TMEM165: variants seen among roughly 807,000 people sequenced by gnomAD.
The protein encoded by TMEM165 is transmembrane protein 165.
In TMEM165, 19 loss-of-function variants were observed where a neutral mutation model predicts 30.0. The observed-to-expected ratio is 0.63, with a 90% CI of 0.44 to 0.93. The LOEUF (loss-of-function observed/expected upper bound fraction) is 0.93, where lower values mean the gene tolerates loss of function less well. Ranked by LOEUF, TMEM165 falls within the 40% of genes least tolerant of loss-of-function variation. TMEM165 has a pLI of 0.00. For synonymous variants in TMEM165, 168 were observed against 162.9 expected (o/e 1.03, Z -0.24); for missense variants, 340 against 417.0 (o/e 0.82, Z 1.61).
At chr4:55,398,253 ATAAC>A (rs1396921254) in intron 1 of TMEM165, among the ~76,000 whole-genome samples, 1 of 152,354 alleles carries the variant, frequency 6.6e-6, no homozygotes, top group African/African-American at 2.4e-5. Context: ...AAGAAGTTGA[ATAAC>A]TAACTGCCTA....
intron 3 of TMEM165, among the ~76,000 whole-genome samples, chr4:55,451,307 A>C (rs1394137740): frequency 6.6e-6 from 1 of 152,206 alleles, no homozygotes; most frequent in Non-Finnish European, 1.5e-5. Flanking sequence ...TTTCAGCTGA[A>C]TCTGATACAG....
At chr4:55,443,432 G>A (rs970259230) in intron 3 of TMEM165, among the ~76,000 whole-genome samples, 10 of 144,562 alleles carry the variant, frequency 6.9e-5, no homozygotes, top group Admixed American at 6.4e-4. Flanking sequence ...CTAAGGTCAC[G>A]CCATTGCACT....
chr4:55,430,934 T>C (rs1722457791), downstream of TMEM165: 1 of 152,182 alleles, frequency 6.6e-6, no homozygotes, highest in Non-Finnish European at 1.5e-5. Flanking sequence ...CAAAGTTCAT[T>C]TGGCTATCTT....
Position 55,400,844 on chromosome 4 carries a change from A to G in TMEM165, c.207+4448A>G, listed in dbSNP as rs115620278. Among the ~76,000 whole-genome samples the G allele has an allele frequency of 8.0e-3, 1,208 of 150,796 alleles. 113 individuals carry two copies. Among genetic ancestry groups the G allele is most frequent in the African/African-American group, 0.026 (1,052 of 40,128 alleles). On this transcript the variant is annotated intron_variant, in intron 1 of 5. Transcript: ENST00000381334. ...TCACATGTTTTCTAAACTATGTAAT[A>G]TAAGTGTCATTGGCTATTTTTGTCC...
intron 4 of TMEM165, among the ~76,000 whole-genome samples, chr4:55,420,353 G>A (rs1274743053): frequency 1.3e-5 from 2 of 150,940 alleles, no homozygotes; most frequent in African/African-American, 4.9e-5. Flanking sequence ...ATAGAGTGAC[G>A]TGTGAAAGGC....
intron 1 of TMEM165, among the ~76,000 whole-genome samples, chr4:55,407,312 G>A (rs1479809234): frequency 6.6e-6 from 1 of 152,182 alleles, no homozygotes; most frequent in East Asian, 1.9e-4. Context: ...GCCCAGCACT[G>A]TAACCATGAG....
At chr4:55,420,106 A>AAAAAAAAATATATATAT (rs1474254120) in intron 4 of TMEM165, among the ~76,000 whole-genome samples, 3 of 45,446 alleles carry the variant, frequency 6.6e-5, no homozygotes, top group South Asian at 2.0e-3. Context: ...AAGAAAAAAA[A>AAAAAAAAATATATATAT]ATATATATAT....
At chr4:55,450,067 C>A in intron 3 of TMEM165, 1 of 1,613,914 alleles carries the variant, frequency 6.2e-7, no homozygotes, top group Admixed American at 1.7e-5. Context: ...TAAAGGAAGT[C>A]TGCTTTGAAG....
chr4:55,416,981 TAACAG>T, intron 2 of TMEM165, 86 bp from the exon 3 acceptor site: 1 of 1,173,718 alleles, frequency 8.5e-7, no homozygotes, highest in Admixed American at 2.6e-5. Flanking sequence ...ATTTTTCTTT[TAACAG>T]TGATAAATTA....
chr4:55,443,840 A>G, intron 3 of TMEM165: 1 of 1,613,832 alleles, frequency 6.2e-7, no homozygotes, highest in Non-Finnish European at 8.5e-7. Context: ...ATGAATTTCC[A>G]GAAGAAAGTT....
chr4:55,413,771 C>CTT (rs1333557897), intron 2 of TMEM165, among the ~76,000 whole-genome samples: 1 of 152,210 alleles, frequency 6.6e-6, no homozygotes, highest in African/African-American at 2.4e-5. Flanking sequence ...CATTTGTACT[C>CTT]TTATCTAAAT....
intron 3 of TMEM165, among the ~76,000 whole-genome samples, chr4:55,439,771 G>A (rs1187668305): frequency 1.3e-5 from 2 of 152,160 alleles, no homozygotes; most frequent in Admixed American, 6.5e-5. Context: ...GACAAATACT[G>A]TATGATTCCA....
intron 3 of TMEM165, among the ~76,000 whole-genome samples, chr4:55,443,155 A>G (rs574033609): frequency 6.6e-6 from 1 of 152,304 alleles, no homozygotes; most frequent in South Asian, 2.1e-4. Flanking sequence ...TAACTACTAG[A>G]CTACATCTTT....
chr4:55,420,213 G>T (rs1721917748), intron 4 of TMEM165, among the ~76,000 whole-genome samples: 1 of 147,022 alleles, frequency 6.8e-6, no homozygotes, highest in Non-Finnish European at 1.5e-5. Context: ...TTGGCTCTCA[G>T]ATTGCCAGAG....
At position 55,417,131 on chromosome 4, in the gene TMEM165, G is replaced by A; in HGVS notation, c.493G>A (p.Val165Ile). ...GGTCTATACATACTATGTTTCAACT[G>A]TATTATTTGCCATTTTTGGCATTAG... ...PRVYTYYVST[V>I]LFAIFGIRML... The change falls in exon 3 of 6, where the codon GTA becomes ATA. Residue 165 changes from valine (V) to isoleucine (I), a missense_variant. Coordinates refer to ENST00000381334, the MANE Select transcript of TMEM165 (RefSeq NM_018475.5). 2 of 1,614,046 alleles carry A rather than the reference G, an allele frequency of 1.2e-6. No individual in the cohort carries two copies. The highest frequency in any genetic ancestry group is 1.1e-5 in the South Asian group (1 of 91,070).
chr4:55,442,680 T>C, intron 3 of TMEM165: 1 of 1,495,278 alleles, frequency 6.7e-7, no homozygotes, highest in Non-Finnish European at 9.3e-7. Context: ...CTGAAAATAA[T>C]TATTTGGGAA....
At chr4:55,449,460 G>A (rs1724230664) in intron 3 of TMEM165, 1 of 1,614,018 alleles carries the variant, frequency 6.2e-7, no homozygotes, top group Non-Finnish European at 8.5e-7. Context: ...CTGCCTGGGT[G>A]GAGTGCTCGT....
At chr4:55,407,933 G>C (rs1008483572) in intron 1 of TMEM165, among the ~76,000 whole-genome samples, 1 of 152,072 alleles carries the variant, frequency 6.6e-6, no homozygotes, top group Non-Finnish European at 1.5e-5. Flanking sequence ...TTGAGTCACA[G>C]GGGGGTGTAC....
chr4:55,396,343 C>G lies in TMEM165; in HGVS notation c.154C>G (p.Gln52Glu). 6.6e-7 allele frequency: 1 copy of G among 1,514,126 alleles called. No homozygotes were observed. The highest frequency in any genetic ancestry group is 8.8e-7 in the Non-Finnish European group (1 of 1,136,170). The allele number at this position is 1,514,126 out of a possible 1,614,324, so 93.8% of individuals were successfully genotyped here. Reference sequence around the variant, plus strand: ...CAAAGAACCGCCGGCGCCGGCCCAGCAGCTGCAGCCGCAGCCTGTGGCTGT... The same window carrying G: ...CAAAGAACCGCCGGCGCCGGCCCAGGAGCTGCAGCCGCAGCCTGTGGCTGT... ...RNKEPPAPAQ[Q>E]LQPQPVAVQG... Residue 52 changes from glutamine to glutamate, a missense_variant, in exon 1 of 6, where the codon CAG (glutamine) becomes GAG (glutamate). Physicochemically the swap from Gln to Glu is conservative, Grantham distance 29. This residue lies in a region of TMEM165 where 120 missense variants were observed against 109.4 expected (regional missense o/e 1.10). Transcript: ENST00000381334.
Sources: gnomAD v4.1 joint callset for allele counts (sites outside exome capture counted in the v4.1 genomes callset) on GRCh38, gnomAD v4.1.1 for gene constraint, gnomAD v4.1.1 regional missense constraint, MANE v1.5 for transcripts, NCBI Gene and HGNC (gene_info 2026-07-23, HGNC 2026-07-21) for gene names.